MIPEP: variants seen among roughly 807,000 people sequenced by gnomAD.
MIPEP encodes the protein mitochondrial intermediate peptidase.
MIPEP carries 79 observed loss-of-function variants against 90.3 expected under a neutral mutation model. The observed-to-expected ratio is 0.87, with a 90% CI of 0.73 to 1.05. The LOEUF is 1.05. Among genes scored for constraint, MIPEP ranks in the 50% least tolerant of loss-of-function variants. The probability of loss-of-function intolerance (pLI) is 0.00; values close to 1 mark genes in which losing one functional copy is unlikely to be tolerated. For missense variants in MIPEP, 940 were observed against 905.6 expected (o/e 1.04, Z -0.49); for synonymous variants, 334 against 315.8 (o/e 1.06, Z -0.61).
At chr13:23,765,491 T>C (rs931523111) in intron 16 of MIPEP, among the ~76,000 whole-genome samples, 3 of 152,232 alleles carry the variant, frequency 2.0e-5, no homozygotes, top group Admixed American at 6.5e-5. Flanking sequence ...ATAGTATATA[T>C]AGAGTTCAGT....
chr13:23,814,224 T>G (rs1300996649), intron 14 of MIPEP, among the ~76,000 whole-genome samples: 1 of 152,212 alleles, frequency 6.6e-6, no homozygotes, highest in Non-Finnish European at 1.5e-5. Context: ...TTCTCAATTC[T>G]TCTGAGGATA....
At chr13:23,775,394 G>A (rs1257650141) in intron 16 of MIPEP, among the ~76,000 whole-genome samples, 1 of 152,088 alleles carries the variant, frequency 6.6e-6, no homozygotes, top group Non-Finnish European at 1.5e-5. Flanking sequence ...GCTTTTTCTA[G>A]GTGCTCTTTT....
chr13:23,839,472 T>G (rs1002652598), intron 12 of MIPEP, among the ~76,000 whole-genome samples, 177 bp downstream of exon 12: 2 of 152,246 alleles, frequency 1.3e-5, no homozygotes, highest in African/African-American at 2.4e-5. Flanking sequence ...CTGATGTAAT[T>G]ATTTCCATAA....
At position 23,889,272 on chromosome 13, in the gene MIPEP, G is replaced by A; in HGVS notation, c.49C>T (p.Leu17=). ...LGGLGARAAA[L]PPRRAGRGSL... ...CCCCGGCCCGCCCGGCGGGGCGGCA[G>A]AGCTGCTGCTCTGGCTCCCAAGCCG... Residue 17 remains leucine (L), a synonymous_variant, in exon 1 of 19, where the codon CTG becomes TTG. Transcript: ENST00000382172. 7.2e-7 allele frequency: 1 copy of A among 1,382,286 alleles called. No individual in the cohort carries two copies. Among genetic ancestry groups the A allele is most frequent in the East Asian group, 3.1e-5 (1 of 32,470 alleles). The allele number at this position is 1,382,286 out of a possible 1,614,324, so 85.6% of individuals were successfully genotyped here. A position where few individuals can be genotyped will look rare whatever the true frequency, so the allele number is the denominator to read the frequency against.
At chr13:23,804,528 C>T (rs1953083766) in intron 16 of MIPEP, among the ~76,000 whole-genome samples, 1 of 152,112 alleles carries the variant, frequency 6.6e-6, no homozygotes, top group African/African-American at 2.4e-5. Context: ...CACAGATAAT[C>T]AAGAGCTTGG....
chr13:23,846,139 C>T (rs752814251), intron 10 of MIPEP, among the ~76,000 whole-genome samples: 38 of 152,124 alleles, frequency 2.5e-4, no homozygotes, highest in Non-Finnish European at 4.7e-4. Context: ...CCTCCTCCTG[C>T]CTTGACCTCC....
At chr13:23,847,964 T>C (rs1869621007) in intron 10 of MIPEP, among the ~76,000 whole-genome samples, 1 of 152,216 alleles carries the variant, frequency 6.6e-6, no homozygotes, top group South Asian at 2.1e-4. Context: ...CAAGAATTAT[T>C]ACCAGAATTA....
chr13:23,868,364 T>C (rs1012988154), intron 7 of MIPEP, among the ~76,000 whole-genome samples: 4 of 151,924 alleles, frequency 2.6e-5, no homozygotes, highest in African/African-American at 9.7e-5. Flanking sequence ...AGGGAAACAG[T>C]TGTTTACGAA....
At chr13:23,774,798 T>C (rs1053552238) in intron 16 of MIPEP, among the ~76,000 whole-genome samples, 26 of 139,252 alleles carry the variant, frequency 1.9e-4, no homozygotes, top group African/African-American at 7.0e-4. Context: ...TTTTTTTTTT[T>C]TTTTTTTTTT....
intron 16 of MIPEP, among the ~76,000 whole-genome samples, chr13:23,786,037 C>T (rs1413759875): frequency 1.7e-4 from 26 of 151,958 alleles, no homozygotes; most frequent in Admixed American, 1.6e-3. Context: ...TGAGCAACAT[C>T]GTGAGACCCT....
chr13:23,872,027 A>G (rs188158467), intron 5 of MIPEP, among the ~76,000 whole-genome samples: 59 of 152,382 alleles, frequency 3.9e-4, no homozygotes, highest in African/African-American at 1.3e-3. Flanking sequence ...CAGGCATATC[A>G]CTTCATCATT....
intron 9 of MIPEP, among the ~76,000 whole-genome samples, chr13:23,861,144 A>C (rs1282443144): frequency 6.6e-6 from 1 of 152,148 alleles, no homozygotes; most frequent in Non-Finnish European, 1.5e-5. Context: ...CCAGAGCAGC[A>C]GGGTGAATGG....
chr13:23,884,280 T>C (rs1028030242), intron 2 of MIPEP, among the ~76,000 whole-genome samples: 5 of 152,060 alleles, frequency 3.3e-5, no homozygotes, highest in South Asian at 2.1e-4. Context: ...TGTATCCTGA[T>C]TGTGGTGAGG....
rs566108444 is a variant in MIPEP, at chr13:23,800,644, C to T, written c.1848+5306G>A. Among the ~76,000 whole-genome samples the T allele has an allele frequency of 1.2e-4, 18 of 152,256 alleles. No homozygotes were observed. The Middle Eastern group carries it at 0.014, about 115-fold the overall frequency. On this transcript the variant is annotated intron_variant, in intron 16 of 18. Coordinates refer to ENST00000382172, the MANE Select transcript of MIPEP (RefSeq NM_005932.4). ...CACACAAATATCAATAAATTGCCGA[C>T]ACTAGAAGGCTATTTATTGACTTGT...
At chr13:23,794,466 C>G (rs1480158101) in intron 16 of MIPEP, among the ~76,000 whole-genome samples, 1 of 152,158 alleles carries the variant, frequency 6.6e-6, no homozygotes, top group Non-Finnish European at 1.5e-5. Context: ...GTGTCCGGCT[C>G]TCATTCCTTG....
In MIPEP at chr13:23,799,333, T is replaced by C. The variant is rs115120181; in HGVS notation, c.1848+6617A>G. Among the ~76,000 whole-genome samples, 1,345 of 148,132 alleles carry C rather than the reference T, an allele frequency of 9.1e-3. 29 individuals carry two copies. The highest frequency in any genetic ancestry group is 0.031 in the African/African-American group (1,224 of 39,888). On this transcript the variant is annotated intron_variant, in intron 16 of 18. Transcript: ENST00000382172. ...GCAAATTAGAGTAATTTTTTTGTTT[T>C]TGTTTTTGTTTTGGGACGGAGTCTC... is the stretch of plus-strand genomic sequence containing the variant.
At chr13:23,829,291 G>C (rs2137441130) in intron 14 of MIPEP, among the ~76,000 whole-genome samples, 1 of 152,300 alleles carries the variant, frequency 6.6e-6, no homozygotes, top group African/African-American at 2.4e-5. Context: ...GAGGTGGGAA[G>C]ATTGCTTGAG....
At chr13:23,853,655 G>A (rs187091266) in intron 10 of MIPEP, among the ~76,000 whole-genome samples, 1 of 151,956 alleles carries the variant, frequency 6.6e-6, no homozygotes, top group South Asian at 2.1e-4. Flanking sequence ...CCACCTCCCG[G>A]GTTCAAGCAA....
At chr13:23,734,665 C>A (rs1799244118) in intron 18 of MIPEP, among the ~76,000 whole-genome samples, 3 of 152,230 alleles carry the variant, frequency 2.0e-5, no homozygotes, top group Middle Eastern at 3.4e-3. Context: ...CACACATGGA[C>A]ACGTCAGTCT....
Sources: allele counts gnomAD v4.1 joint callset (sites outside exome capture counted in the v4.1 genomes callset), GRCh38; gene constraint gnomAD v4.1.1; transcripts MANE v1.5; gene names NCBI Gene and HGNC (gene_info 2026-07-23, HGNC 2026-07-21).